Variants in RSRC1 observed in about 807,000 individuals in gnomAD.
The protein encoded by RSRC1 is arginine and serine rich coiled-coil 1, also known as serine/Arginine-related protein 53.
Under a neutral mutation model 49.1 loss-of-function variants are expected in RSRC1, and 39 were observed. That is an observed-to-expected ratio of 0.79 (90% CI 0.61 to 1.04). The LOEUF (loss-of-function observed/expected upper bound fraction) is 1.04, where lower values mean the gene tolerates loss of function less well. RSRC1 is among the 50% of genes least tolerant of loss of function. The pLI, the probability that RSRC1 is intolerant of heterozygous loss-of-function variation, is 0.00. For synonymous variants in RSRC1, 143 were observed against 130.8 expected, an observed-to-expected ratio of 1.09 and a Z score of -0.63; for missense variants, 388 against 402.4, an observed-to-expected ratio of 0.96 and a Z score of 0.31.
intron 8 of RSRC1, among the ~76,000 whole-genome samples, chr3:158,541,302 C>G (rs781082940): frequency 9.2e-5 from 14 of 152,192 alleles, no homozygotes; most frequent in Admixed American, 5.2e-4. Flanking sequence ...ATGTTTTTCC[C>G]TTCCTGATCC....
chr3:158,145,954 G>A (rs1233747275), intron 3 of RSRC1, among the ~76,000 whole-genome samples: 1 of 152,160 alleles, frequency 6.6e-6, no homozygotes, highest in Non-Finnish European at 1.5e-5. Flanking sequence ...GTATAAGAAT[G>A]CTTGTGATGT....
At chr3:158,209,065 A>G (rs1288951845) in intron 4 of RSRC1, among the ~76,000 whole-genome samples, 1 of 152,180 alleles carries the variant, frequency 6.6e-6, no homozygotes, top group Non-Finnish European at 1.5e-5. Context: ...GCCATCCTTA[A>G]AAGGGGAATT....
chr3:158,201,172 A>T (rs952041232), intron 3 of RSRC1, among the ~76,000 whole-genome samples: 2 of 152,270 alleles, frequency 1.3e-5, no homozygotes, highest in African/African-American at 4.8e-5. Flanking sequence ...TAAGAATTTC[A>T]TTCCACTGTC....
At chr3:158,460,405 AT>A (rs1737548946) in intron 6 of RSRC1, among the ~76,000 whole-genome samples, 1 of 151,954 alleles carries the variant, frequency 6.6e-6, no homozygotes, top group African/African-American at 2.4e-5. Context: ...TAATTAAGTA[AT>A]AAGGGAAGAG....
intron 6 of RSRC1, among the ~76,000 whole-genome samples, chr3:158,377,279 C>A (rs57614603): frequency 1.3e-5 from 2 of 152,240 alleles, no homozygotes; most frequent in South Asian, 2.1e-4. Context: ...TTTTCCACTT[C>A]TTCGTCTTCT....
At chr3:158,396,244 T>A (rs530092410) in intron 6 of RSRC1, among the ~76,000 whole-genome samples, 11 of 152,212 alleles carry the variant, frequency 7.2e-5, no homozygotes, top group African/African-American at 2.4e-4. Context: ...GGTACTATGC[T>A]TATCATCTGG....
intron 7 of RSRC1, among the ~76,000 whole-genome samples, chr3:158,514,321 T>C (rs1157808249): frequency 6.6e-6 from 1 of 152,238 alleles, no homozygotes; most frequent in African/African-American, 2.4e-5. Flanking sequence ...GTTGTGTCTT[T>C]CTTCTCGTTG....
intron 7 of RSRC1, among the ~76,000 whole-genome samples, chr3:158,486,235 A>T (rs1431664551): frequency 6.6e-6 from 1 of 152,120 alleles, no homozygotes; most frequent in Non-Finnish European, 1.5e-5. Flanking sequence ...AATGTCCCTT[A>T]CCTGACTTCT....
intron 5 of RSRC1, among the ~76,000 whole-genome samples, chr3:158,344,694 G>A (rs1476464214): frequency 6.6e-6 from 1 of 152,084 alleles, no homozygotes; most frequent in Non-Finnish European, 1.5e-5. Context: ...TGAAGGAAAT[G>A]CTAACCACAT....
At chr3:158,424,022 G>A (rs1328727164) in intron 6 of RSRC1, among the ~76,000 whole-genome samples, 1 of 150,764 alleles carries the variant, frequency 6.6e-6, no homozygotes, top group African/African-American at 2.4e-5. Context: ...CTGCAAACAG[G>A]GACAATTTGA....
intron 5 of RSRC1, among the ~76,000 whole-genome samples, chr3:158,351,374 C>T (rs1372034265): frequency 6.6e-6 from 1 of 152,204 alleles, no homozygotes; most frequent in African/African-American, 2.4e-5. Context: ...TGAACATTTG[C>T]ATCTGTACAA....
chr3:158,329,906 T>A lies in RSRC1; in HGVS notation c.532-24951T>A, dbSNP rs552309580. 9.8e-5 allele frequency among the ~76,000 whole-genome samples: 15 copies of A among 152,300 alleles called. No individual in the cohort carries two copies. The East Asian group carries it at 2.7e-3, about 27-fold the overall frequency. ...CCCAGTTCGAGCTTCTGGGCTGCTT[T>A]GTTCACCTACTCAAGCCTCAGCAGC... is the stretch of plus-strand genomic sequence containing the variant. On this transcript the variant is annotated intron_variant, in intron 5 of 9. Coordinates refer to ENST00000611884, the MANE Select transcript of RSRC1 (RefSeq NM_001271838.2).
At chr3:158,339,096 T>C (rs1730082001) in intron 5 of RSRC1, among the ~76,000 whole-genome samples, 1 of 151,852 alleles carries the variant, frequency 6.6e-6, no homozygotes, top group African/African-American at 2.4e-5. Context: ...ATTGAGACCA[T>C]CCTGGCTAAC....
chr3:158,233,473 C>T (rs897999526), intron 4 of RSRC1, among the ~76,000 whole-genome samples: 2 of 152,054 alleles, frequency 1.3e-5, no homozygotes, highest in African/African-American at 2.4e-5. Context: ...TGAAATAACT[C>T]ATGATTATCT....
intron 7 of RSRC1, among the ~76,000 whole-genome samples, chr3:158,516,878 C>T (rs958539229): frequency 6.6e-6 from 1 of 152,228 alleles, no homozygotes; most frequent in Non-Finnish European, 1.5e-5. Context: ...GTCTGTCACC[C>T]CTTTCTTTGA....
chr3:158,141,059 A>G (rs1437476676), intron 3 of RSRC1, among the ~76,000 whole-genome samples: 1 of 152,240 alleles, frequency 6.6e-6, no homozygotes, highest in Non-Finnish European at 1.5e-5. Flanking sequence ...AAAGCTTTTT[A>G]TAGGAATTAA....
intron 4 of RSRC1, among the ~76,000 whole-genome samples, chr3:158,212,120 A>G (rs1351360323): frequency 6.6e-6 from 1 of 151,952 alleles, no homozygotes; most frequent in South Asian, 2.1e-4. Context: ...TACGATTACA[A>G]ATTACCTTGT....
intron 5 of RSRC1, among the ~76,000 whole-genome samples, chr3:158,310,976 G>A (rs993548889): frequency 1.3e-5 from 2 of 151,600 alleles, no homozygotes; most frequent in African/African-American, 2.4e-5. Flanking sequence ...TACTCTCCTC[G>A]TTTGTCAGTT....
chr3:158,195,672 G>A (rs1720558459), intron 3 of RSRC1, among the ~76,000 whole-genome samples: 1 of 152,244 alleles, frequency 6.6e-6, no homozygotes, highest in South Asian at 2.1e-4. Context: ...ATTAATTTTT[G>A]TATAAGGTGT....
Sources: allele counts gnomAD v4.1 joint callset (sites outside exome capture counted in the v4.1 genomes callset), GRCh38; gene constraint gnomAD v4.1.1; transcripts MANE v1.5; gene names NCBI Gene and HGNC (gene_info 2026-07-23, HGNC 2026-07-21).